The following ARHGAP15 variants were observed in gnomAD, a reference collection of about 807,000 sequenced individuals.
The protein encoded by ARHGAP15 is Rho GTPase activating protein 15.
In ARHGAP15, 51 loss-of-function variants were observed where a neutral mutation model predicts 63.7. The ratio of observed to expected loss-of-function variants is 0.80; its 90% confidence interval spans 0.64 to 1.01. ARHGAP15 has a LOEUF of 1.01. Ranked by LOEUF, ARHGAP15 falls within the 50% of genes least tolerant of loss-of-function variation. The pLI is 0.00. For synonymous variants in ARHGAP15, 191 were observed against 193.8 expected (o/e 0.99, Z 0.12); for missense variants, 560 against 564.6 (o/e 0.99, Z 0.08).
intron 8 of ARHGAP15, among the ~76,000 whole-genome samples, chr2:143,486,711 G>A (rs1692342602): frequency 6.6e-6 from 1 of 152,116 alleles, no homozygotes; most frequent in Admixed American, 6.5e-5. Flanking sequence ...GCAAATATTT[G>A]TTCAGGAGTG....
chr2:143,221,478 T>C (rs1044189419), intron 4 of ARHGAP15, among the ~76,000 whole-genome samples: 1 of 152,230 alleles, frequency 6.6e-6, no homozygotes, highest in African/African-American at 2.4e-5. Flanking sequence ...AATTTTTAAT[T>C]GTGAACACTG....
intron 11 of ARHGAP15, among the ~76,000 whole-genome samples, chr2:143,605,559 T>G (rs1697956415): frequency 6.6e-6 from 1 of 151,988 alleles, no homozygotes; most frequent in South Asian, 2.1e-4. Flanking sequence ...AAAAACCATG[T>G]CCCTAGCTAA....
At chr2:143,309,178 T>C (rs986405031) in intron 6 of ARHGAP15, among the ~76,000 whole-genome samples, 1 of 152,078 alleles carries the variant, frequency 6.6e-6, no homozygotes, top group Non-Finnish European at 1.5e-5. Flanking sequence ...ATCAACCTTT[T>C]CCCTTCATGC....
intron 11 of ARHGAP15, among the ~76,000 whole-genome samples, chr2:143,568,943 C>T (rs985291240): frequency 1.3e-5 from 2 of 152,130 alleles, no homozygotes; most frequent in Admixed American, 6.5e-5. Flanking sequence ...TGTTCTCACT[C>T]ATAGGTGGGA....
chr2:143,464,807 A>T (rs191968217), intron 8 of ARHGAP15, among the ~76,000 whole-genome samples: 1 of 152,144 alleles, frequency 6.6e-6, no homozygotes, highest in Non-Finnish European at 1.5e-5. Context: ...TGATATTAAA[A>T]TTCTATCACT....
chr2:143,492,604 GA>G (rs11299713), intron 9 of ARHGAP15, among the ~76,000 whole-genome samples: 151,227 of 152,126 alleles, frequency 0.99, 75,171 homozygotes, highest in Middle Eastern at 1. Flanking sequence ...TACAAAAAGT[GA>G]AAAAAAGTTA....
chr2:143,166,058 AAAG>A (rs869247238), intron 2 of ARHGAP15, among the ~76,000 whole-genome samples: 1 of 151,716 alleles, frequency 6.6e-6, no homozygotes. Context: ...AGAAAGAAAG[AAAG>A]AAAAAAAATA....
chr2:143,324,920 G>T (rs1298707549), intron 6 of ARHGAP15, among the ~76,000 whole-genome samples: 1 of 152,124 alleles, frequency 6.6e-6, no homozygotes, highest in Admixed American at 6.5e-5. Context: ...ACATTAAAAT[G>T]TATTTTTTAA....
intron 4 of ARHGAP15, among the ~76,000 whole-genome samples, chr2:143,226,470 TA>T (rs1357975721): frequency 1.3e-5 from 2 of 152,198 alleles, no homozygotes; most frequent in Non-Finnish European, 2.9e-5. Context: ...ATGGTCAAAA[TA>T]AGGGTGGTGT....
At chr2:143,687,889 C>A (rs1683420603) in intron 12 of ARHGAP15, among the ~76,000 whole-genome samples, 1 of 152,072 alleles carries the variant, frequency 6.6e-6, no homozygotes, top group Non-Finnish European at 1.5e-5. Flanking sequence ...TCCTACCAGT[C>A]TTTTTAATTA....
intron 7 of ARHGAP15, 134 bp downstream of exon 7, chr2:143,435,833 A>G: frequency 1.1e-6 from 1 of 904,680 alleles, no homozygotes; most frequent in Non-Finnish European, 1.6e-6. Context: ...TTTTAGTTTA[A>G]ATAGAATCTA....
intron 12 of ARHGAP15, among the ~76,000 whole-genome samples, chr2:143,653,014 T>G (rs4384716): frequency 0.25 from 38,628 of 151,958 alleles, 6,101 homozygotes; most frequent in Admixed American, 0.37. Flanking sequence ...AATCTTTCAT[T>G]ATTAAATATG....
chr2:143,313,595 G>A (rs1159318183), intron 6 of ARHGAP15, among the ~76,000 whole-genome samples: 1 of 152,044 alleles, frequency 6.6e-6, no homozygotes, highest in Admixed American at 6.6e-5. Flanking sequence ...GTAGGTTGGT[G>A]GAACAAGAAG....
chr2:143,279,952 G>A (rs1416648308), intron 6 of ARHGAP15, among the ~76,000 whole-genome samples: 1 of 152,130 alleles, frequency 6.6e-6, no homozygotes, highest in Non-Finnish European at 1.5e-5. Flanking sequence ...GGATCCACTG[G>A]AGATCTTGGG....
chr2:143,696,306 G>T (rs938218888), intron 12 of ARHGAP15, among the ~76,000 whole-genome samples: 5 of 151,428 alleles, frequency 3.3e-5, no homozygotes, highest in African/African-American at 9.7e-5. Flanking sequence ...AACCAACTTT[G>T]TATCTGCCAC....
chr2:143,275,453 A>G (rs1476936824), intron 6 of ARHGAP15, among the ~76,000 whole-genome samples: 1 of 152,234 alleles, frequency 6.6e-6, no homozygotes, highest in Non-Finnish European at 1.5e-5. Flanking sequence ...TTGCAGTTAG[A>G]CAATTTGCAA....
At chr2:143,638,698 AAAAAC>A (rs1680462241) in intron 12 of ARHGAP15, among the ~76,000 whole-genome samples, 1 of 150,382 alleles carries the variant, frequency 6.6e-6, no homozygotes, top group Non-Finnish European at 1.5e-5. Flanking sequence ...AAAAAAAAAA[AAAAAC>A]TCAGAGAAGA....
intron 3 of ARHGAP15, among the ~76,000 whole-genome samples, chr2:143,211,344 C>T (rs976627730): frequency 4.6e-5 from 5 of 109,600 alleles, no homozygotes; most frequent in Admixed American, 3.5e-4. Context: ...TAAAAAATGG[C>T]GGGCGTGGGT....
chr2:143,756,623 TA>T (rs201450954), intron 13 of ARHGAP15, among the ~76,000 whole-genome samples: 2,442 of 152,152 alleles, frequency 0.016, 33 homozygotes, highest in Non-Finnish European at 0.024. Context: ...AAAACCATTT[TA>T]AAAGCATGAG....
Sources: allele counts gnomAD v4.1 joint callset (sites outside exome capture counted in the v4.1 genomes callset), GRCh38; gene constraint gnomAD v4.1.1; transcripts MANE v1.5; gene names NCBI Gene and HGNC (gene_info 2026-07-23, HGNC 2026-07-21).